Variants in TRHDE observed in about 807,000 individuals in gnomAD.
TRHDE encodes thyrotropin releasing hormone degrading enzyme.
A neutral mutation model predicts 125.7 loss-of-function variants in TRHDE; 72 were observed. The observed-to-expected ratio is 0.57, with a 90% CI of 0.47 to 0.70. TRHDE has a LOEUF of 0.70. TRHDE is among the 30% of genes least tolerant of loss of function. The probability of loss-of-function intolerance (pLI) is 0.00; values close to 1 mark genes in which losing one functional copy is unlikely to be tolerated. For synonymous variants in TRHDE, 509 were observed against 509.1 expected, an observed-to-expected ratio of 1.00 and a Z score of 0.00; for missense variants, 1,110 against 1,327.1, an observed-to-expected ratio of 0.84 and a Z score of 2.54.
At chr12:72,603,871 C>A (rs902128484) in intron 12 of TRHDE, among the ~76,000 whole-genome samples, 4 of 152,028 alleles carry the variant, frequency 2.6e-5, no homozygotes, top group Admixed American at 6.6e-5. Context: ...CTAAACTGAG[C>A]TTTAAAGATT....
intron 7 of TRHDE, among the ~76,000 whole-genome samples, chr12:72,555,246 G>T (rs1869862118): frequency 6.6e-6 from 1 of 151,850 alleles, no homozygotes; most frequent in Non-Finnish European, 1.5e-5. Context: ...GTAAATTTAG[G>T]GTAAACACAT....
intron 7 of TRHDE, among the ~76,000 whole-genome samples, chr12:72,550,806 CTAGAA>C (rs1869639575): frequency 6.6e-6 from 1 of 151,718 alleles, no homozygotes; most frequent in South Asian, 2.1e-4. Flanking sequence ...GTGTATAATG[CTAGAA>C]GTTTGAAAGT....
chr12:72,632,595 T>C (rs748980241), intron 15 of TRHDE, among the ~76,000 whole-genome samples: 4 of 151,958 alleles, frequency 2.6e-5, no homozygotes, highest in Non-Finnish European at 4.4e-5. Flanking sequence ...ATCATAGATA[T>C]CTTAATTTTT....
intron 7 of TRHDE, among the ~76,000 whole-genome samples, chr12:72,550,726 A>G (rs1869635517): frequency 6.6e-6 from 1 of 151,858 alleles, no homozygotes; most frequent in Non-Finnish European, 1.5e-5. Flanking sequence ...TTTCCATTAT[A>G]TTTTCAACTA....
chr12:72,472,793 C>T (rs1022598360), intron 4 of TRHDE, among the ~76,000 whole-genome samples: 2 of 152,158 alleles, frequency 1.3e-5, no homozygotes, highest in Non-Finnish European at 2.9e-5. Flanking sequence ...CAGTTTTTCT[C>T]TCCTGAGCCC....
At chr12:72,331,859 A>G (rs1344733715) in intron 2 of TRHDE, among the ~76,000 whole-genome samples, 2 of 152,246 alleles carry the variant, frequency 1.3e-5, no homozygotes, top group East Asian at 3.8e-4. Flanking sequence ...TACATAAAGG[A>G]AAGTTGAATT....
intron 15 of TRHDE, among the ~76,000 whole-genome samples, chr12:72,622,596 G>C (rs928292931): frequency 3.3e-5 from 5 of 152,028 alleles, no homozygotes; most frequent in Non-Finnish European, 7.4e-5. Flanking sequence ...CAACAGCGGG[G>C]TTGTTCCTGA....
chr12:72,104,357 T>C (rs1875134907), intron 1 of TRHDE, among the ~76,000 whole-genome samples: 1 of 152,088 alleles, frequency 6.6e-6, no homozygotes. Context: ...CTCTTGCTTC[T>C]GAAAGAGAGA....
rs141019760 is a variant in TRHDE, at chr12:72,354,056, C to A, written c.1189-23939C>A. ...GTGTCCTTTTCTAGAGAAATGGATA[C>A]CTTGTTATATTCATAGGATGGTATA... On this transcript the variant is annotated intron_variant, in intron 2 of 18. Coordinates refer to ENST00000261180, the MANE Select transcript of TRHDE (RefSeq NM_013381.3). Among the ~76,000 whole-genome samples, 21 of 151,392 alleles carry A rather than the reference C, an allele frequency of 1.4e-4. No homozygotes were observed. In the East Asian group the frequency reaches 3.9e-3, roughly 28 times the overall value.
intron 2 of TRHDE, among the ~76,000 whole-genome samples, chr12:72,321,423 C>T (rs1311863811): frequency 1.3e-5 from 2 of 152,078 alleles, no homozygotes; most frequent in Non-Finnish European, 2.9e-5. Context: ...TAAAAAGATA[C>T]ATAAAGTGGG....
At chr12:72,532,374 T>C (rs2135976169) in intron 6 of TRHDE, among the ~76,000 whole-genome samples, 1 of 151,690 alleles carries the variant, frequency 6.6e-6, no homozygotes, top group East Asian at 1.9e-4. Flanking sequence ...CTGTGAGAAC[T>C]TTCACATCAT....
intron 2 of TRHDE, among the ~76,000 whole-genome samples, chr12:72,151,960 G>A (rs1194133651): frequency 4.0e-5 from 6 of 151,670 alleles, no homozygotes; most frequent in African/African-American, 1.5e-4. Flanking sequence ...GATGGGGATG[G>A]CATTGAATCT....
intron 2 of TRHDE, among the ~76,000 whole-genome samples, chr12:72,151,152 A>G (rs1876353555): frequency 6.6e-6 from 1 of 152,178 alleles, no homozygotes. Flanking sequence ...ATGGCCAGTG[A>G]TGGTGAGCAT....
chr12:72,187,808 T>A (rs542504861), intron 2 of TRHDE, among the ~76,000 whole-genome samples: 1 of 152,308 alleles, frequency 6.6e-6, no homozygotes, highest in South Asian at 2.1e-4. Flanking sequence ...GAGGCAGAAC[T>A]GGGATTTACA....
chr12:72,126,131 A>G (rs1875707737), intron 2 of TRHDE, among the ~76,000 whole-genome samples: 1 of 152,204 alleles, frequency 6.6e-6, no homozygotes, highest in African/African-American at 2.4e-5. Context: ...ACACACAAAA[A>G]TACCTGGGAA....
chr12:72,218,997 AGAGAG>A (rs532131316), intron 2 of TRHDE, among the ~76,000 whole-genome samples: 416 of 152,292 alleles, frequency 2.7e-3, no homozygotes, highest in Middle Eastern at 0.017. Context: ...AAATTTTGCC[AGAGAG>A]CAAAGAAATA....
intron 12 of TRHDE, among the ~76,000 whole-genome samples, chr12:72,606,267 G>A (rs188330561): frequency 2.0e-4 from 30 of 152,236 alleles, no homozygotes; most frequent in Admixed American, 1.6e-3. Flanking sequence ...ACTCAGAACA[G>A]AGTAATAATT....
At chr12:72,420,922 C>T (rs1389029904) in intron 3 of TRHDE, among the ~76,000 whole-genome samples, 2 of 151,940 alleles carry the variant, frequency 1.3e-5, no homozygotes, top group East Asian at 3.9e-4. Flanking sequence ...TGCTGAATAC[C>T]TCTTATGTAT....
intron 7 of TRHDE, among the ~76,000 whole-genome samples, chr12:72,552,082 A>G (rs1225642401): frequency 6.6e-6 from 1 of 152,156 alleles, no homozygotes; most frequent in African/African-American, 2.4e-5. Flanking sequence ...GCATTGCCCA[A>G]TAGTCTGTGC....
Sources: allele counts gnomAD v4.1 joint callset (sites outside exome capture counted in the v4.1 genomes callset), GRCh38; gene constraint gnomAD v4.1.1; transcripts MANE v1.5; gene names NCBI Gene and HGNC (gene_info 2026-07-23, HGNC 2026-07-21).